The following DPP10 variants were observed in gnomAD, a reference collection of about 807,000 sequenced individuals.
DPP10 encodes dipeptidyl peptidase like 10.
A neutral mutation model predicts 120.9 loss-of-function variants in DPP10; 33 were observed. That is an observed-to-expected ratio of 0.27 (90% CI 0.21 to 0.37). DPP10 has a LOEUF of 0.37. DPP10 is among the 10% of genes least tolerant of loss of function. The pLI is 1.00. For missense variants in DPP10, 816 were observed against 942.8 expected, an observed-to-expected ratio of 0.87 and a Z score of 1.76; for synonymous variants, 337 against 326.1, an observed-to-expected ratio of 1.03 and a Z score of -0.36.
chr2:115,091,177 A>G (rs183762408), intron 1 of DPP10, among the ~76,000 whole-genome samples: 18 of 152,300 alleles, frequency 1.2e-4, no homozygotes, highest in African/African-American at 4.3e-4. Flanking sequence ...GGCAACACCA[A>G]TGGCCCTCCA....
chr2:114,551,551 C>A (rs1687887593), intron 1 of DPP10, among the ~76,000 whole-genome samples: 1 of 152,196 alleles, frequency 6.6e-6, no homozygotes, highest in Non-Finnish European at 1.5e-5. Context: ...GAGAAGTTTC[C>A]TCTGAGCTCC....
At chr2:115,559,205 A>G (rs1410680504) in intron 5 of DPP10, among the ~76,000 whole-genome samples, 1 of 152,204 alleles carries the variant, frequency 6.6e-6, no homozygotes, top group Non-Finnish European at 1.5e-5. Context: ...TCAGCCTCAC[A>G]GAAATGTTAC....
chr2:114,842,870 G>T (rs1329991645), intron 1 of DPP10, among the ~76,000 whole-genome samples: 5 of 151,866 alleles, frequency 3.3e-5, no homozygotes, highest in African/African-American at 1.2e-4. Flanking sequence ...GAGAGAGAGA[G>T]TTGAAAACCT....
chr2:114,486,483 A>G (rs1188403971), intron 1 of DPP10, among the ~76,000 whole-genome samples: 1 of 152,180 alleles, frequency 6.6e-6, no homozygotes. Flanking sequence ...TTGCTTGAAC[A>G]GCTACAAGTA....
chr2:114,722,775 C>CAAA lies in DPP10; in HGVS notation c.60+279960_60+279962dup, dbSNP rs61497158. On this transcript the variant is annotated intron_variant, in intron 1 of 25. Coordinates refer to ENST00000410059, the MANE Select transcript of DPP10 (RefSeq NM_020868.6). ...TGGGAGACAGAGCTAGGCTCTGTCT[C>CAAA]AAAAAAAAAAAAAAAAAAAAAAAAA... Among the ~76,000 whole-genome samples the CAAA allele has an allele frequency of 1.2e-3, 65 of 55,850 alleles. 1 individual carries two copies. Among genetic ancestry groups the CAAA allele is most frequent in the African/African-American group, 2.2e-3 (31 of 14,262 alleles). The allele number at this position is 55,850 out of a possible 152,430, so 36.6% of individuals were successfully genotyped here.
At chr2:115,059,854 T>C (rs1176312139) in intron 1 of DPP10, among the ~76,000 whole-genome samples, 2 of 152,150 alleles carry the variant, frequency 1.3e-5, no homozygotes, top group Non-Finnish European at 2.9e-5. Flanking sequence ...TTTAAGCCTC[T>C]TGTAGCTGAG....
At chr2:114,925,155 G>A (rs2104457785) in intron 1 of DPP10, among the ~76,000 whole-genome samples, 1 of 145,188 alleles carries the variant, frequency 6.9e-6, no homozygotes, top group East Asian at 2.1e-4. Flanking sequence ...AGGCTGCAGT[G>A]AGCCGAGATC....
chr2:114,491,736 G>A (rs1682021934), intron 1 of DPP10, among the ~76,000 whole-genome samples: 1 of 152,160 alleles, frequency 6.6e-6, no homozygotes, highest in Non-Finnish European at 1.5e-5. Context: ...TACATGTCAG[G>A]TAAGTTCTAG....
chr2:115,836,042 A>C (rs542681396), intron 21 of DPP10, 115 bp from the exon 22 acceptor site: 1 of 543,642 alleles, frequency 1.8e-6, no homozygotes, highest in Admixed American at 4.0e-5. Flanking sequence ...CCAAACATTG[A>C]TCAAAAGCTA....
intron 1 of DPP10, among the ~76,000 whole-genome samples, chr2:115,305,510 A>T (rs1330779402): frequency 2.6e-5 from 4 of 152,024 alleles, no homozygotes; most frequent in Non-Finnish European, 2.9e-5. Context: ...ACACAGGAGG[A>T]TTGCTTGAGG....
intron 5 of DPP10, among the ~76,000 whole-genome samples, chr2:115,623,938 A>T (rs927755945): frequency 6.7e-6 from 1 of 148,728 alleles, no homozygotes; most frequent in African/African-American, 2.6e-5. Flanking sequence ...AAGACCCTAG[A>T]AACAAAACGA....
intron 1 of DPP10, among the ~76,000 whole-genome samples, chr2:114,928,728 C>T (rs1336091622): frequency 6.6e-6 from 1 of 152,010 alleles, no homozygotes; most frequent in Admixed American, 6.6e-5. Flanking sequence ...CAGGCTTTTG[C>T]CTGGGCACCA....
intron 1 of DPP10, among the ~76,000 whole-genome samples, chr2:115,127,289 A>G (rs745653973): frequency 5.3e-5 from 8 of 152,198 alleles, no homozygotes; most frequent in Non-Finnish European, 1.0e-4. Flanking sequence ...CTTATTTGTT[A>G]TAAAATAGAG....
At chr2:115,077,181 A>G (rs1375510351) in intron 1 of DPP10, among the ~76,000 whole-genome samples, 2 of 152,214 alleles carry the variant, frequency 1.3e-5, no homozygotes, top group Non-Finnish European at 2.9e-5. Context: ...ATTTGTAATC[A>G]TGGCAGCTGT....
chr2:115,818,799 T>A (rs1002002966), intron 21 of DPP10, among the ~76,000 whole-genome samples: 3 of 152,164 alleles, frequency 2.0e-5, no homozygotes, highest in African/African-American at 7.2e-5. Context: ...AAATTCTTTT[T>A]CCCCAAATCG....
At chr2:115,242,799 T>G (rs2058350304) in intron 1 of DPP10, among the ~76,000 whole-genome samples, 1 of 152,030 alleles carries the variant, frequency 6.6e-6, no homozygotes. Context: ...AAAACATAGC[T>G]TAGCTCCCAC....
intron 8 of DPP10, among the ~76,000 whole-genome samples, chr2:115,733,859 C>A (rs145161021): frequency 5.8e-4 from 88 of 152,132 alleles, no homozygotes; most frequent in African/African-American, 2.0e-3. Context: ...GTAATAAAAA[C>A]GATGAAGAGC....
chr2:115,836,141 T>C lies in DPP10; in HGVS notation c.1951-16T>C. 1 of 1,376,762 alleles carries C rather than the reference T, an allele frequency of 7.3e-7. No homozygotes were observed. The highest frequency in any genetic ancestry group is 9.8e-7 in the Non-Finnish European group (1 of 1,021,560). 85.3% of individuals were successfully genotyped at this position (1,376,762 alleles called of 1,614,324 possible). On this transcript the variant is annotated splice_polypyrimidine_tract_variant and intron_variant, in intron 21 of 25. Transcript: ENST00000410059. ...TGAGATATATATATATATATATATATATTTTTCCCCCCCAGGGTTATGGTG... is the reference window on the plus strand; with the variant it reads ...TGAGATATATATATATATATATATACATTTTTCCCCCCCAGGGTTATGGTG...
chr2:115,440,341 G>A lies in DPP10; in HGVS notation c.272-59169G>A, dbSNP rs1020315179. 2.6e-4 allele frequency among the ~76,000 whole-genome samples: 40 copies of A among 151,970 alleles called. 1 individual carries two copies. The highest frequency in any genetic ancestry group is 9.7e-4 in the African/African-American group (40 of 41,360). On this transcript the variant is annotated intron_variant, in intron 3 of 25. Transcript: ENST00000410059. ...TTCAGAAAGTTCAATGGCATATTCC[G>A]CTGTATGAGCCATGCAGAGCTGCAT...
Sources: gnomAD v4.1 joint callset for allele counts (sites outside exome capture counted in the v4.1 genomes callset) on GRCh38, gnomAD v4.1.1 for gene constraint, MANE v1.5 for transcripts, NCBI Gene and HGNC (gene_info 2026-07-23, HGNC 2026-07-21) for gene names.